The following GARS1 variants were observed in gnomAD, a reference collection of about 807,000 sequenced individuals.
The protein encoded by GARS1 is glycyl-tRNA synthetase 1, also known as glycine--tRNA ligase.
Under a neutral mutation model 86.4 loss-of-function variants are expected in GARS1, and 46 were observed. The observed-to-expected ratio is 0.53, with a 90% CI of 0.42 to 0.68. GARS1 has a LOEUF of 0.68. Ranked by LOEUF, GARS1 falls within the 30% of genes least tolerant of loss-of-function variation. GARS1 has a pLI of 0.00. For missense variants in GARS1, 797 were observed against 915.6 expected, an observed-to-expected ratio of 0.87 and a Z score of 1.67; for synonymous variants, 342 against 329.8, an observed-to-expected ratio of 1.04 and a Z score of -0.40.
rs1791364837 is a variant in GARS1 at position 30,601,047 on chromosome 7, C to T, written c.428-12C>T. 1.9e-6 allele frequency: 3 copies of T among 1,613,458 alleles called. No individual in the cohort carries two copies. Among genetic ancestry groups the T allele is most frequent in the Non-Finnish European group, 2.5e-6 (3 of 1,179,430 alleles). On this transcript the variant is annotated splice_polypyrimidine_tract_variant and intron_variant, in intron 3 of 16. Coordinates refer to ENST00000389266, the MANE Select transcript of GARS1 (RefSeq NM_002047.4). Reference sequence around the variant, plus strand: ...CAAGGTAAAGTATGTGTTTTCCTCTCATATTCTATAGGTGTTAGTGGTCTG... The same window carrying T: ...CAAGGTAAAGTATGTGTTTTCCTCTTATATTCTATAGGTGTTAGTGGTCTG...
At chr7:30,608,165 C>T (rs568998654) in intron 6 of GARS1, among the ~76,000 whole-genome samples, 69 of 152,268 alleles carry the variant, frequency 4.5e-4, no homozygotes, top group Admixed American at 1.4e-3. Flanking sequence ...TATATCTTTT[C>T]ATGTTTTTGC....
At position 30,621,471 on chromosome 7, in the gene GARS1, C is replaced by T; in HGVS notation, c.1438C>T (p.Leu480Phe). 6.2e-7 allele frequency: 1 copy of T among 1,614,176 alleles called. No individual in the cohort carries two copies. The highest frequency in any genetic ancestry group is 8.5e-7 in the Non-Finnish European group (1 of 1,180,006). ...TCATGCACGAGCCACCAAAGTCCCA[C>T]TTGTAGCTGAGAAACCTCTGAAAGA... is the stretch of plus-strand genomic sequence containing the variant. ...SCHARATKVP[L>F]VAEKPLKEPK... Residue 480 changes from leucine (L) to phenylalanine (F), a missense_variant, in exon 11 of 17, where the codon CTT (leucine) becomes TTT (phenylalanine). Coordinates refer to ENST00000389266, the MANE Select transcript of GARS1 (RefSeq NM_002047.4).
At position 30,616,032 on chromosome 7, in the gene GARS1, A is replaced by G. The variant is rs1240975328; in HGVS notation, c.1168A>G (p.Met390Val). 1.9e-6 allele frequency: 3 copies of G among 1,614,196 alleles called. No individual in the cohort carries two copies. The highest frequency in any genetic ancestry group is 1.3e-5 in the African/African-American group (1 of 75,052). ...AQVSGQSARK[M>V]RLGDAVEQGV... ...GGTCAGCGGACAGTCCGCTCGGAAA[A>G]TGCGCCTGGGAGATGCTGTTGAACA... Residue 390 changes from methionine (M) to valine (V), a missense_variant, in exon 9 of 17, where the codon ATG becomes GTG. Around this residue, in one of 2 missense-constraint regions of GARS1, gnomAD observed 598 missense variants for 738.7 expected, o/e 0.81. Coordinates refer to ENST00000389266, the MANE Select transcript of GARS1 (RefSeq NM_002047.4).
intron 13 of GARS1, 71 bp downstream of exon 13, chr7:30,626,390 C>A: frequency 1.1e-6 from 1 of 948,048 alleles, no homozygotes; most frequent in Non-Finnish European, 1.7e-6. Flanking sequence ...GAGACAGGGT[C>A]TTGCTCTGTC....
intron 6 of GARS1, among the ~76,000 whole-genome samples, chr7:30,608,419 T>C (rs1323981796): frequency 6.6e-6 from 1 of 152,202 alleles, no homozygotes; most frequent in African/African-American, 2.4e-5. Flanking sequence ...AGGACCAGCT[T>C]ATATTTATGG....
rs191270471 is a variant in GARS1, at chr7:30,632,264, C to T, written c.1921C>T (p.His641Tyr). 2.6e-5 allele frequency: 42 copies of T among 1,614,128 alleles called. No homozygotes were observed. In the Admixed American group the frequency reaches 4.5e-4, roughly 17 times the overall value. Reference sequence around the variant, plus strand: ...TTGGATAGCGGAAGCCCTGACCAGGCATGGAGTATCTCACAAAGTAGACGA... The same window carrying T: ...TTGGATAGCGGAAGCCCTGACCAGGTATGGAGTATCTCACAAAGTAGACGA... The part of the protein sequence containing the change: ...VKELSEALTR[H>Y]GVSHKVDDSS... Residue 641 changes from histidine (H) to tyrosine (Y), a missense_variant, in exon 16 of 17, where the codon CAT (histidine) becomes TAT (tyrosine). Coordinates refer to ENST00000389266, the MANE Select transcript of GARS1 (RefSeq NM_002047.4). The surrounding 1 kb of genome is among the most constrained non-coding windows in gnomAD (Gnocchi z 4.1).
chr7:30,624,163 A>G (rs1783078184), intron 12 of GARS1, among the ~76,000 whole-genome samples: 1 of 152,006 alleles, frequency 6.6e-6, no homozygotes, highest in Non-Finnish European at 1.5e-5. Context: ...TTTTATGTGC[A>G]GTCCGAGACA....
chr7:30,632,253 C>T lies in GARS1; in HGVS notation c.1910C>T (p.Ala637Val), dbSNP rs1584055549. Residue 637 changes from alanine to valine, a missense_variant, in exon 16 of 17, where the codon GCC (alanine) becomes GTC (valine). This residue lies in a region of GARS1 where 598 missense variants were observed against 738.7 expected (regional missense o/e 0.81). Transcript: ENST00000389266. This position sits in a 1 kb window ranked among gnomAD's most constrained non-coding sequence, Gnocchi z 4.1. ...FMPFVKELSE[A>V]LTRHGVSHKV... ...CTTTGTTTATTTTGGATAGCGGAAGCCCTGACCAGGCATGGAGTATCTCAC... is the reference window on the plus strand; with the variant it reads ...CTTTGTTTATTTTGGATAGCGGAAGTCCTGACCAGGCATGGAGTATCTCAC... 6.2e-7 allele frequency: 1 copy of T among 1,614,096 alleles called. No individual in the cohort carries two copies. The highest frequency in any genetic ancestry group is 1.1e-5 in the South Asian group (1 of 91,080).
At chr7:30,616,186 G>T in intron 9 of GARS1, 128 bp downstream of exon 9, 2 of 954,240 alleles carry the variant, frequency 2.1e-6, no homozygotes. Context: ...ACAGTACTTG[G>T]TTTTGTACAG....
intron 14 of GARS1, 120 bp from the exon 15 acceptor site, chr7:30,631,328 T>G: frequency 1.4e-6 from 1 of 735,592 alleles, no homozygotes; most frequent in Non-Finnish European, 2.3e-6. Flanking sequence ...TTTCTGGCAT[T>G]TTGGTAATGA....
chr7:30,603,177 T>G, intron 5 of GARS1, 55 bp downstream of exon 5: 1 of 1,376,986 alleles, frequency 7.3e-7, no homozygotes, highest in Non-Finnish European at 1.0e-6. Context: ...GGTTTAAACT[T>G]TCTCTCAGAT....
At position 30,632,809 on chromosome 7, in the gene GARS1, G is replaced by T. The variant is rs1290378321; in HGVS notation, c.2094+372G>T. Among the ~76,000 whole-genome samples, 1 of 152,192 alleles carries T rather than the reference G, an allele frequency of 6.6e-6. No homozygotes were observed. Among genetic ancestry groups the T allele is most frequent in the Non-Finnish European group, 1.5e-5 (1 of 68,036 alleles). On this transcript the variant is annotated intron_variant, in intron 16 of 16. Transcript: ENST00000389266. This position sits in a 1 kb window ranked among gnomAD's most constrained non-coding sequence, Gnocchi z 4.1. ...TTTATTTTTACAGACGCGTATACATGTGTATGTATAAGCTTTTCCGTGTTC... is the reference window on the plus strand; with the variant it reads ...TTTATTTTTACAGACGCGTATACATTTGTATGTATAAGCTTTTCCGTGTTC...
chr7:30,633,144 C>T (rs1035936698), intron 16 of GARS1, among the ~76,000 whole-genome samples: 5 of 152,224 alleles, frequency 3.3e-5, no homozygotes, highest in African/African-American at 1.2e-4. Context: ...CATCTGGCTA[C>T]TCTGGAGCTG....
At chr7:30,595,247 A>T (rs1019604005) in intron 1 of GARS1, 104 bp downstream of exon 1, 6 of 1,117,024 alleles carry the variant, frequency 5.4e-6, no homozygotes, top group Admixed American at 2.0e-5. Context: ...CTCTTCGGTT[A>T]CCCCTTTCTT....
chr7:30,610,296 G>A (rs571044684), intron 7 of GARS1, among the ~76,000 whole-genome samples: 1 of 152,312 alleles, frequency 6.6e-6, no homozygotes, highest in South Asian at 2.1e-4. Context: ...ATAGCCTGTT[G>A]ATTTGAAAGA....
At chr7:30,602,371 C>T (rs1791397723) in intron 4 of GARS1, among the ~76,000 whole-genome samples, 1 of 152,218 alleles carries the variant, frequency 6.6e-6, no homozygotes, top group South Asian at 2.1e-4. Flanking sequence ...GCCACTGCGC[C>T]CGGCCTGAAA....
At chr7:30,623,408 AAC>A (rs998700299) in intron 12 of GARS1, among the ~76,000 whole-genome samples, 1 of 152,192 alleles carries the variant, frequency 6.6e-6, no homozygotes, top group Non-Finnish European at 1.5e-5. Flanking sequence ...TATGGATATA[AAC>A]ACATGTTTTT....
intron 8 of GARS1, among the ~76,000 whole-genome samples, chr7:30,614,759 C>T (rs560513373): frequency 2.5e-3 from 379 of 151,864 alleles, no homozygotes; most frequent in Admixed American, 4.0e-3. Context: ...GCCTGTAGTC[C>T]CAGCTACTCG....
At chr7:30,630,871 G>C (rs1783222920) in intron 14 of GARS1, among the ~76,000 whole-genome samples, 1 of 152,130 alleles carries the variant, frequency 6.6e-6, no homozygotes, top group Non-Finnish European at 1.5e-5. Context: ...GTTTAAGAAG[G>C]CTGTACTTTT....
Sources: allele counts gnomAD v4.1 joint callset (sites outside exome capture counted in the v4.1 genomes callset), GRCh38; gene constraint gnomAD v4.1.1; regional missense constraint gnomAD v4.1.1; non-coding constraint Gnocchi (gnomAD v3.1); transcripts MANE v1.5; gene names NCBI Gene and HGNC (gene_info 2026-07-23, HGNC 2026-07-21).